RWDD4: variants seen among roughly 807,000 people sequenced by gnomAD.
RWDD4 encodes RWD domain-containing protein 4.
A neutral mutation model predicts 30.0 loss-of-function variants in RWDD4; 16 were observed. That is an observed-to-expected ratio of 0.53 (90% CI 0.36 to 0.81). The LOEUF is 0.81. Ranked by LOEUF, RWDD4 falls within the 30% of genes least tolerant of loss-of-function variation. The probability of loss-of-function intolerance (pLI) is 0.00; values close to 1 mark genes in which losing one functional copy is unlikely to be tolerated. For synonymous variants in RWDD4, 45 were observed against 72.1 expected (o/e 0.62, Z 1.90); for missense variants, 170 against 223.9 (o/e 0.76, Z 1.54).
At chr4:183,658,885 C>A in intron 1 of RWDD4, 44 bp downstream of exon 1, 1 of 1,236,084 alleles carries the variant, frequency 8.1e-7, no homozygotes, top group Non-Finnish European at 1.0e-6. Context: ...CGGGGCTGCG[C>A]GCCGCGCCCG....
chr4:183,644,852 T>C (rs1362405287), intron 7 of RWDD4, among the ~76,000 whole-genome samples: 1 of 151,882 alleles, frequency 6.6e-6, no homozygotes, highest in Non-Finnish European at 1.5e-5. Context: ...ATCCCAGTAC[T>C]TTGGGAGGCC....
chr4:183,656,035 T>C (rs1474076071), intron 1 of RWDD4, 74 bp from the exon 2 acceptor site: 2 of 982,656 alleles, frequency 2.0e-6, no homozygotes, highest in Non-Finnish European at 3.2e-6. Flanking sequence ...TACTTTCTCA[T>C]TCAAGCCCAC....
chr4:183,647,344 ATACT>A (rs1453294948), intron 5 of RWDD4, among the ~76,000 whole-genome samples: 3 of 152,206 alleles, frequency 2.0e-5, no homozygotes, highest in East Asian at 1.9e-4. Context: ...TTAACCCATG[ATACT>A]TACAGGAGAG....
intron 5 of RWDD4, among the ~76,000 whole-genome samples, chr4:183,648,553 T>C (rs1372187897): frequency 6.6e-6 from 1 of 152,236 alleles, no homozygotes; most frequent in African/African-American, 2.4e-5. Context: ...TTAAATATTA[T>C]TGTTGTATAA....
intron 2 of RWDD4, among the ~76,000 whole-genome samples, chr4:183,653,165 G>C (rs1734118664): frequency 6.6e-6 from 1 of 152,168 alleles, no homozygotes; most frequent in Non-Finnish European, 1.5e-5. Context: ...CATCATATAA[G>C]GAGGCACAGA....
intron 5 of RWDD4, among the ~76,000 whole-genome samples, chr4:183,649,058 A>C (rs1734022057): frequency 6.6e-6 from 1 of 152,154 alleles, no homozygotes; most frequent in African/African-American, 2.4e-5. Context: ...AAAGAGTAAG[A>C]ATTAATCTAA....
At chr4:183,652,577 C>T (rs953741104) in intron 2 of RWDD4, among the ~76,000 whole-genome samples, 1 of 151,976 alleles carries the variant, frequency 6.6e-6, no homozygotes, top group African/African-American at 2.4e-5. Flanking sequence ...TTTGGGAGGC[C>T]AAGGCGGGTA....
chr4:183,647,664 T>G (rs60703411), intron 5 of RWDD4, among the ~76,000 whole-genome samples: 39,654 of 152,074 alleles, frequency 0.26, 6,269 homozygotes, highest in African/African-American at 0.44. Context: ...GAAAGCAATA[T>G]TACCTAACTG....
At chr4:183,655,470 A>G (rs1439648775) in intron 2 of RWDD4, among the ~76,000 whole-genome samples, 1 of 151,346 alleles carries the variant, frequency 6.6e-6, no homozygotes, top group African/African-American at 2.4e-5. Context: ...TTTAGTAGAG[A>G]CAGTGGGGTT....
intron 2 of RWDD4, among the ~76,000 whole-genome samples, chr4:183,654,368 G>T (rs1734142645): frequency 6.6e-6 from 1 of 152,166 alleles, no homozygotes; most frequent in South Asian, 2.1e-4. Context: ...GGAAGCTAAA[G>T]AAAGTATTAA....
In RWDD4 at chr4:183,654,901, A is replaced by AC. The variant is rs548658363; in HGVS notation, c.105+979dup. 5.4e-3 allele frequency among the ~76,000 whole-genome samples: 800 copies of AC among 149,380 alleles called. 7 individuals carry two copies. The highest frequency in any genetic ancestry group is 0.02 in the African/African-American group (756 of 38,704). ...TGTTAATAATAACTGTAAATCTTTT[A>AC]CAAAAAAAACTTCCCCATTCCGCTA... On this transcript the variant is annotated intron_variant, in intron 2 of 7. Transcript: ENST00000326397.
At position 183,659,080 on chromosome 4, in the gene RWDD4, ACTGGCAG is replaced by A. The variant is rs1734308507; in HGVS notation, c.-135_-129del. The A allele has an allele frequency of 3.0e-6, 2 of 670,094 alleles. No individual in the cohort carries two copies. Among genetic ancestry groups the A allele is most frequent in the South Asian group, 1.6e-4 (2 of 12,816 alleles). The allele number at this position is 670,094 out of a possible 1,614,324, so 41.5% of individuals were successfully genotyped here. ...GCTGTGGGGGCGGCACAGTCTTGGC[ACTGGCAG>A]ACGCCAACTGCGCGCGCCCCGAGCC... On this transcript the variant is annotated 5_prime_UTR_variant, in exon 1 of 8. Transcript: ENST00000326397.
intron 2 of RWDD4, among the ~76,000 whole-genome samples, chr4:183,654,971 C>A (rs1290884143): frequency 6.6e-6 from 1 of 151,406 alleles, no homozygotes; most frequent in Non-Finnish European, 1.5e-5. Flanking sequence ...TTTTGAGTCC[C>A]GCTCTGTCGC....
Position 183,650,968 on chromosome 4 carries a change from A to T in RWDD4, c.363+16T>A. ...AACAACAAAAGAATCCGGCAAAAAA[A>T]TAATCACATACTCACTGCGGAATTG... On this transcript the variant is annotated intron_variant, in intron 4 of 7. Transcript: ENST00000326397. 6.3e-7 allele frequency: 1 copy of T among 1,590,154 alleles called. No homozygotes were observed. The highest frequency in any genetic ancestry group is 8.6e-7 in the Non-Finnish European group (1 of 1,168,296).
At chr4:183,650,746 G>T (rs1447485226) in intron 4 of RWDD4, among the ~76,000 whole-genome samples, 1 of 139,232 alleles carries the variant, frequency 7.2e-6, no homozygotes, top group Non-Finnish European at 1.5e-5. Flanking sequence ...CAGTTTTGGT[G>T]GGCATGTTAT....
chr4:183,654,270 C>T (rs1301451366), intron 2 of RWDD4, among the ~76,000 whole-genome samples: 1 of 152,132 alleles, frequency 6.6e-6, no homozygotes, highest in African/African-American at 2.4e-5. Flanking sequence ...CAGAGAAAAA[C>T]ATTTTTAAAG....
At chr4:183,642,718 T>TACTG (rs1733883018) in intron 7 of RWDD4, among the ~76,000 whole-genome samples, 1 of 152,060 alleles carries the variant, frequency 6.6e-6, no homozygotes, top group Non-Finnish European at 1.5e-5. Context: ...AGTGATGGCA[T>TACTG]CATCAAATGT....
intron 7 of RWDD4, among the ~76,000 whole-genome samples, chr4:183,645,801 A>G (rs905302667): frequency 1.3e-5 from 2 of 152,196 alleles, no homozygotes; most frequent in African/African-American, 4.8e-5. Flanking sequence ...AGTAATTTCT[A>G]CTAAGAAAGT....
chr4:183,657,582 T>G (rs1734227195), intron 1 of RWDD4, among the ~76,000 whole-genome samples: 1 of 152,228 alleles, frequency 6.6e-6, no homozygotes, highest in South Asian at 2.1e-4. Context: ...AAAGACAAAT[T>G]GCTTTGTATA....
Sources: allele counts gnomAD v4.1 joint callset (sites outside exome capture counted in the v4.1 genomes callset), GRCh38; gene constraint gnomAD v4.1.1; transcripts MANE v1.5; gene names NCBI Gene and HGNC (gene_info 2026-07-23, HGNC 2026-07-21).